The following TBKBP1 variants were observed in gnomAD, a reference collection of about 807,000 sequenced individuals.
TBKBP1 encodes the protein TANK-binding kinase 1-binding protein 1.
TBKBP1 carries 47 observed loss-of-function variants against 69.9 expected under a neutral mutation model. The ratio of observed to expected loss-of-function variants is 0.67; its 90% CI spans 0.53 to 0.86. The LOEUF is 0.86. Ranked by LOEUF, TBKBP1 falls within the 40% of genes least tolerant of loss-of-function variation. The probability of loss-of-function intolerance (pLI) is 0.00; values close to 1 mark genes in which losing one functional copy is unlikely to be tolerated. For synonymous variants in TBKBP1, 418 were observed against 390.3 expected, an observed-to-expected ratio of 1.07 and a Z score of -0.84; for missense variants, 831 against 858.6, an observed-to-expected ratio of 0.97 and a Z score of 0.40.
At chr17:47,707,327 C>T (rs371985060) in intron 7 of TBKBP1, among the ~76,000 whole-genome samples, 2 of 152,258 alleles carry the variant, frequency 1.3e-5, no homozygotes, top group East Asian at 3.9e-4. Flanking sequence ...TGCAAGTGAC[C>T]TAGAGATAAA....
chr17:47,706,579 C>T (rs1014755585), intron 7 of TBKBP1, among the ~76,000 whole-genome samples: 3 of 152,166 alleles, frequency 2.0e-5, no homozygotes, highest in East Asian at 3.8e-4. Context: ...AGATGGGTGG[C>T]GAGGACTCCC....
intron 1 of TBKBP1, among the ~76,000 whole-genome samples, chr17:47,695,104 T>C (rs2031168731): frequency 6.6e-6 from 1 of 151,950 alleles, no homozygotes; most frequent in Non-Finnish European, 1.5e-5. Context: ...GCCCACGCGC[T>C]CACGCACGCG....
At chr17:47,700,144 G>A (rs1448179955) in intron 7 of TBKBP1, among the ~76,000 whole-genome samples, 1 of 151,476 alleles carries the variant, frequency 6.6e-6, no homozygotes, top group Non-Finnish European at 1.5e-5. Context: ...TCGCCACTAC[G>A]CCTGGCTAAT....
rs750471037 is a variant in TBKBP1 at position 47,698,726 on chromosome 17, T to C, written c.585T>C (p.Asp195=). The change falls in exon 5 of 10, where the codon GAT becomes GAC. Residue 195 remains aspartate (D), a synonymous_variant. Transcript: ENST00000578982. ...CAGCCCCCGCCCCTCCCTGCACTGATTTAGACCTGCACTACCTGGCACTGA... is the reference window on the plus strand; with the variant it reads ...CAGCCCCCGCCCCTCCCTGCACTGACTTAGACCTGCACTACCTGGCACTGA... The part of the protein sequence containing the change: ...PPPAPAPPCT[D]LDLHYLALRG... 2 of 1,604,974 alleles carry C rather than the reference T, an allele frequency of 1.2e-6. No homozygotes were observed. The highest frequency in any genetic ancestry group is 3.4e-5 in the Admixed American group (2 of 59,146).
At chr17:47,698,541 G>C (rs1248555112) in intron 4 of TBKBP1, 54 bp from the exon 5 acceptor site, 1 of 1,503,048 alleles carries the variant, frequency 6.7e-7, no homozygotes, top group Non-Finnish European at 8.9e-7. Flanking sequence ...TGACTCTCCA[G>C]ACATGGGGAA....
intron 3 of TBKBP1, 25 bp from the exon 4 acceptor site, chr17:47,697,064 G>T (rs770836803): frequency 3.8e-6 from 6 of 1,594,636 alleles, no homozygotes; most frequent in African/African-American, 2.7e-5. Context: ...TGACCCTGTG[G>T]TGGGGCCCTC....
At chr17:47,695,195 C>T (rs975308812) in intron 1 of TBKBP1, 1 of 153,448 alleles carries the variant, frequency 6.5e-6, no homozygotes, top group Non-Finnish European at 1.4e-5. Context: ...GACTGACACA[C>T]CTACACTCAT....
At chr17:47,702,817 T>C (rs2031556095) in intron 7 of TBKBP1, among the ~76,000 whole-genome samples, 1 of 151,828 alleles carries the variant, frequency 6.6e-6, no homozygotes, top group Non-Finnish European at 1.5e-5. Flanking sequence ...CCCACCCTGC[T>C]CCTGAGGATG....
Position 47,708,835 on chromosome 17 carries a change from C to A in TBKBP1, c.1102C>A (p.Pro368Thr). The A allele has an allele frequency of 1.4e-6, 2 of 1,420,366 alleles. No homozygotes were observed. Among genetic ancestry groups the A allele is most frequent in the Non-Finnish European group, 1.8e-6 (2 of 1,086,782 alleles). 88.0% of individuals were successfully genotyped at this position (1,420,366 alleles called of 1,614,324 possible). ...GTGCCCCCCGTGCCAGTCCCCCGTCCCCCAGCGCCGCTCTCCCGTGCCCCC... is the reference window on the plus strand; with the variant it reads ...GTGCCCCCCGTGCCAGTCCCCCGTCACCCAGCGCCGCTCTCCCGTGCCCCC... ...PPCPPCQSPVPQRRSPVPPCP... is the reference protein window; with the variant it reads ...PPCPPCQSPVTQRRSPVPPCP... Residue 368 changes from proline (P) to threonine (T), a missense_variant, in exon 9 of 10, where the codon CCC becomes ACC. Transcript: ENST00000578982. The surrounding 1 kb of genome is among the most constrained non-coding windows in gnomAD (Gnocchi z 4.4).
chr17:47,708,913 C>A lies in TBKBP1; in HGVS notation c.1180C>A (p.Pro394Thr). ...TCCGGCCTCACCCTCCTGCCCGTCG[C>A]CCGTCCCGCAGCGCCGCTCGCCGGT... ...RSPASPSCPSPVPQRRSPVPP... is the reference protein window; with the variant it reads ...RSPASPSCPSTVPQRRSPVPP... Residue 394 changes from proline to threonine, a missense_variant, in exon 9 of 10, where the codon CCC (proline) becomes ACC (threonine). Pro to Thr is a conservative substitution (Grantham distance 38). Coordinates refer to ENST00000578982, the MANE Select transcript of TBKBP1 (RefSeq NM_001394755.1). The surrounding 1 kb of genome is among the most constrained non-coding windows in gnomAD (Gnocchi z 4.4). 7.3e-7 allele frequency: 1 copy of A among 1,368,444 alleles called. No individual in the cohort carries two copies. Among genetic ancestry groups the A allele is most frequent in the Non-Finnish European group, 9.4e-7 (1 of 1,059,828 alleles). 84.8% of individuals were successfully genotyped at this position (1,368,444 alleles called of 1,614,324 possible).
intron 9 of TBKBP1, 82 bp downstream of exon 9, chr17:47,709,534 C>T: frequency 1.4e-6 from 2 of 1,402,036 alleles, no homozygotes; most frequent in Non-Finnish European, 1.8e-6. Context: ...CGTTGAGGGC[C>T]TTGCCCCTTT....
chr17:47,709,936 G>T (rs1185449213), intron 9 of TBKBP1, among the ~76,000 whole-genome samples: 1 of 152,216 alleles, frequency 6.6e-6, no homozygotes, highest in African/African-American at 2.4e-5. Flanking sequence ...GGTGGCTACT[G>T]ACCATAGCAG....
At chr17:47,694,949 AGCCCGACCTGGGG>A (rs2031159604) in intron 1 of TBKBP1, among the ~76,000 whole-genome samples, 1 of 151,634 alleles carries the variant, frequency 6.6e-6, no homozygotes, top group Non-Finnish European at 1.5e-5. Flanking sequence ...AAGCTCCTGC[AGCCCGACCTGGGG>A]GCCCCGCTGT....
chr17:47,696,651 G>C, intron 2 of TBKBP1, 60 bp from the exon 3 acceptor site: 1 of 1,612,136 alleles, frequency 6.2e-7, no homozygotes, highest in Non-Finnish European at 8.5e-7. Flanking sequence ...GCACAGCCAG[G>C]CTGAGGCCTG....
At chr17:47,703,788 CT>C (rs1202600028) in intron 7 of TBKBP1, among the ~76,000 whole-genome samples, 1 of 151,838 alleles carries the variant, frequency 6.6e-6, no homozygotes, top group East Asian at 1.9e-4. Flanking sequence ...GGTGATTTAC[CT>C]ACAAAATCTC....
chr17:47,706,800 C>T (rs978216181), intron 7 of TBKBP1, among the ~76,000 whole-genome samples: 1 of 151,556 alleles, frequency 6.6e-6, no homozygotes, highest in Non-Finnish European at 1.5e-5. Context: ...CTCACGACTT[C>T]CCCTCCTCTC....
chr17:47,699,403 GC>G lies in TBKBP1; in HGVS notation c.721del (p.Arg241GlyfsTer21). Reference sequence around the variant, plus strand: ...GGCTTTGGAGGCCGCGCAGGGAGAGGCCCGGGGGGCTCAGCTCCGGGAGGAG... The same window carrying G: ...GGCTTTGGAGGCCGCGCAGGGAGAGGCCGGGGGGCTCAGCTCCGGGAGGAG... ...EEALEAAQGE[A>X]RGAQLREEQL... On this transcript the variant is annotated frameshift_variant, in exon 6 of 10. Coordinates refer to ENST00000578982, the MANE Select transcript of TBKBP1 (RefSeq NM_001394755.1). LOFTEE classifies it high-confidence loss of function. The G allele has an allele frequency of 6.4e-7, 1 of 1,566,554 alleles. No individual in the cohort carries two copies.
chr17:47,702,724 G>A (rs929298577), intron 7 of TBKBP1, among the ~76,000 whole-genome samples: 1 of 152,062 alleles, frequency 6.6e-6, no homozygotes, highest in Non-Finnish European at 1.5e-5. Context: ...CAGAGCCCAG[G>A]GAGACAAATT....
chr17:47,699,584 G>C, intron 6 of TBKBP1, 52 bp from the exon 7 acceptor site: 1 of 1,613,974 alleles, frequency 6.2e-7, no homozygotes. Flanking sequence ...CTGTAGACAA[G>C]GGCCCTGGCA....
Sources: gnomAD v4.1 joint callset for allele counts (sites outside exome capture counted in the v4.1 genomes callset) on GRCh38, gnomAD v4.1.1 for gene constraint, Gnocchi (gnomAD v3.1) non-coding constraint, MANE v1.5 for transcripts, NCBI Gene and HGNC (gene_info 2026-07-23, HGNC 2026-07-21) for gene names.